Variants in PTPN4 observed in about 807,000 individuals in gnomAD.
The protein encoded by PTPN4 is protein tyrosine phosphatase non-receptor type 4, also known as tyrosine-protein phosphatase non-receptor type 4.
Under a neutral mutation model 135.5 loss-of-function variants are expected in PTPN4, and 49 were observed. The observed-to-expected ratio is 0.36, with a 90% CI of 0.29 to 0.46. The LOEUF is 0.46. PTPN4 is among the 20% of genes least tolerant of loss of function. The probability of loss-of-function intolerance (pLI) is 1.00; values close to 1 mark genes in which losing one functional copy is unlikely to be tolerated. For missense variants in PTPN4, 860 were observed against 1,101.0 expected (o/e 0.78, Z 3.10); for synonymous variants, 333 against 369.9 (o/e 0.90, Z 1.14).
At chr2:119,860,485 A>G (rs1677745803) in intron 2 of PTPN4, among the ~76,000 whole-genome samples, 1 of 152,214 alleles carries the variant, frequency 6.6e-6, no homozygotes, top group Admixed American at 6.5e-5. Context: ...AGAAAGATGG[A>G]AAGAAACCTA....
At chr2:119,938,437 A>G (rs1679016778) in intron 15 of PTPN4, among the ~76,000 whole-genome samples, 1 of 151,916 alleles carries the variant, frequency 6.6e-6, no homozygotes, top group South Asian at 2.1e-4. Context: ...AATGTGGGTA[A>G]ATTTTTTATG....
At chr2:119,959,624 G>A (rs1679336253) in intron 22 of PTPN4, among the ~76,000 whole-genome samples, 1 of 152,194 alleles carries the variant, frequency 6.6e-6, no homozygotes, top group Non-Finnish European at 1.5e-5. Flanking sequence ...TATGCTTTGG[G>A]ATTCCGAATT....
intron 10 of PTPN4, among the ~76,000 whole-genome samples, chr2:119,913,096 A>G (rs1678597959): frequency 6.6e-6 from 1 of 151,980 alleles, no homozygotes; most frequent in Non-Finnish European, 1.5e-5. Context: ...TTTCCATTTT[A>G]TGGTTATACC....
intron 1 of PTPN4, among the ~76,000 whole-genome samples, chr2:119,789,710 G>T (rs1691108663): frequency 6.6e-6 from 1 of 151,942 alleles, no homozygotes; most frequent in African/African-American, 2.4e-5. Flanking sequence ...CTAATTTCCT[G>T]TTAATAATTG....
At chr2:119,762,496 C>T (rs1365440908) in intron 1 of PTPN4, among the ~76,000 whole-genome samples, 1 of 151,938 alleles carries the variant, frequency 6.6e-6, no homozygotes, top group African/African-American at 2.4e-5. Flanking sequence ...ACTCTAAAAG[C>T]GGGATCAGTG....
rs759085979 is a variant in PTPN4, at chr2:119,955,270, A to T, written c.1927A>T (p.Met643Leu). Residue 643 changes from methionine (M) to leucine (L), a missense_variant, in exon 20 of 27, where the codon ATG (methionine) becomes TTG (leucine). Met to Leu is a conservative substitution (Grantham distance 15). This residue lies in a region of PTPN4 where 684 missense variants were observed against 807.0 expected (regional missense o/e 0.85). Transcript: ENST00000263708. Reference sequence around the variant, plus strand: ...GGATGACCATTCCCTGCGGGAGTCAATGATCCAGCTAGCTGAGGGGCTTAT... The same window carrying T: ...GGATGACCATTCCCTGCGGGAGTCATTGATCCAGCTAGCTGAGGGGCTTAT... ...HQDDHSLRESMIQLAEGLITG... is the reference protein window; with the variant it reads ...HQDDHSLRESLIQLAEGLITG... 24 of 1,613,706 alleles carry T rather than the reference A, an allele frequency of 1.5e-5. No homozygotes were observed. Among genetic ancestry groups the T allele is most frequent in the Non-Finnish European group, 1.9e-5 (22 of 1,179,868 alleles).
chr2:119,885,779 A>G lies in PTPN4; in HGVS notation c.588-16A>G. On this transcript the variant is annotated splice_polypyrimidine_tract_variant and intron_variant, in intron 8 of 26. Coordinates refer to ENST00000263708, the MANE Select transcript of PTPN4 (RefSeq NM_002830.4). ...GATTGATTGATCTCATTTTTAACTT[A>G]ATGATGTCTTTATAGAGGCTTATCT... 6.6e-7 allele frequency: 1 copy of G among 1,510,884 alleles called. No individual in the cohort carries two copies. The highest frequency in any genetic ancestry group is 9.0e-7 in the Non-Finnish European group (1 of 1,114,506). The allele number at this position is 1,510,884 out of a possible 1,614,324, so 93.6% of individuals were successfully genotyped here.
rs1025658541 is a variant in PTPN4, at chr2:119,966,181, G to A, written c.2558+536G>A. ...ACATGCTAGAAGGGACAGAAGGGGTGAACCCACTCTCTGAAGTCCTTTTAT... is the reference window on the plus strand; with the variant it reads ...ACATGCTAGAAGGGACAGAAGGGGTAAACCCACTCTCTGAAGTCCTTTTAT... On this transcript the variant is annotated intron_variant, in intron 25 of 26. Coordinates refer to ENST00000263708, the MANE Select transcript of PTPN4 (RefSeq NM_002830.4). Among the ~76,000 whole-genome samples, 5 of 152,240 alleles carry A rather than the reference G, an allele frequency of 3.3e-5. No homozygotes were observed. In the East Asian group the frequency reaches 7.7e-4, roughly 23 times the overall value.
At chr2:119,945,321 T>C in intron 16 of PTPN4, 81 bp downstream of exon 16, 3 of 1,319,298 alleles carry the variant, frequency 2.3e-6, no homozygotes, top group Non-Finnish European at 3.1e-6. Context: ...CTTTGGCAGT[T>C]TTTAGTTGTA....
chr2:119,874,571 T>C (rs3111721), intron 3 of PTPN4, among the ~76,000 whole-genome samples: 152,249 of 152,282 alleles, frequency 1, 76,108 homozygotes, highest in Middle Eastern at 1. Flanking sequence ...CAGGTAAATT[T>C]GTAGAGACAG....
chr2:119,928,761 G>A (rs1678860759), intron 13 of PTPN4, among the ~76,000 whole-genome samples: 1 of 152,038 alleles, frequency 6.6e-6, no homozygotes, highest in Admixed American at 6.6e-5. Context: ...TTCTTAACAA[G>A]TGTCTTCTTT....
At chr2:119,947,772 AC>A (rs1679156856) in intron 18 of PTPN4, among the ~76,000 whole-genome samples, 1 of 151,186 alleles carries the variant, frequency 6.6e-6, no homozygotes, top group African/African-American at 2.4e-5. Flanking sequence ...CCACACACAC[AC>A]ACACACACAC....
intron 2 of PTPN4, among the ~76,000 whole-genome samples, chr2:119,823,001 CAA>C (rs1242185941): frequency 6.6e-6 from 1 of 152,172 alleles, no homozygotes; most frequent in Non-Finnish European, 1.5e-5. Flanking sequence ...GGGACTATAA[CAA>C]GAGTCACCTT....
At chr2:119,867,065 G>C (rs1002477219) in intron 3 of PTPN4, among the ~76,000 whole-genome samples, 1 of 152,068 alleles carries the variant, frequency 6.6e-6, no homozygotes, top group African/African-American at 2.4e-5. Context: ...CAGGAATGCT[G>C]AATTTGAAGA....
intron 1 of PTPN4, among the ~76,000 whole-genome samples, chr2:119,802,070 A>AT (rs1325380064): frequency 8.2e-4 from 125 of 151,794 alleles, no homozygotes; most frequent in Non-Finnish European, 1.5e-3. Flanking sequence ...CACCCAGCTA[A>AT]TTTTTTGTAT....
chr2:119,891,489 A>AT (rs919933410), intron 9 of PTPN4, among the ~76,000 whole-genome samples: 16 of 151,406 alleles, frequency 1.1e-4, no homozygotes, highest in East Asian at 1.9e-4. Flanking sequence ...TGCCTGGCTA[A>AT]TTTTTTTTTA....
At chr2:119,807,521 C>T (rs950108143) in intron 1 of PTPN4, among the ~76,000 whole-genome samples, 54 of 152,226 alleles carry the variant, frequency 3.5e-4, no homozygotes, top group African/African-American at 1.3e-3. Flanking sequence ...CAAGACTAAA[C>T]CAGGAAGAAG....
rs1447211825 is a variant in PTPN4 at position 119,967,760 on chromosome 2, C to A, written c.2559-77C>A. 3 of 1,144,666 alleles carry A rather than the reference C, an allele frequency of 2.6e-6. No individual in the cohort carries two copies. In the African/African-American group the frequency reaches 4.7e-5, roughly 18 times the overall value. 70.9% of individuals were successfully genotyped at this position (1,144,666 alleles called of 1,614,324 possible). A position where few individuals can be genotyped will look rare whatever the true frequency, so the allele number is the denominator to read the frequency against. The stretch of plus-strand genomic sequence containing the variant: ...GATATTGTTCTTCTGTGTTATAATT[C>A]AGTTTTATGCACAAAAGCCACAAGT... On this transcript the variant is annotated intron_variant, in intron 25 of 26. Coordinates refer to ENST00000263708, the MANE Select transcript of PTPN4 (RefSeq NM_002830.4).
intron 10 of PTPN4, among the ~76,000 whole-genome samples, chr2:119,913,381 G>A (rs934443157): frequency 1.3e-5 from 2 of 152,128 alleles, no homozygotes; most frequent in African/African-American, 4.8e-5. Flanking sequence ...TGAGTATAAA[G>A]TAGTATCTCA....
Sources: allele counts gnomAD v4.1 joint callset (sites outside exome capture counted in the v4.1 genomes callset), GRCh38; gene constraint gnomAD v4.1.1; regional missense constraint gnomAD v4.1.1; transcripts MANE v1.5; gene names NCBI Gene and HGNC (gene_info 2026-07-23, HGNC 2026-07-21).